PSMB8: variants seen among roughly 807,000 people sequenced by gnomAD.
PSMB8 encodes the protein proteasome 20S subunit beta 8, also known as proteasome subunit beta type-8.
PSMB8 carries 20 observed loss-of-function variants against 32.3 expected under a neutral mutation model. The ratio of observed to expected loss-of-function variants is 0.62; its 90% CI spans 0.44 to 0.90. The LOEUF (loss-of-function observed/expected upper bound fraction) is 0.90. PSMB8 is among the 40% of genes least tolerant of loss of function. PSMB8 has a pLI of 0.00. For missense variants in PSMB8, 342 were observed against 365.4 expected (o/e 0.94, Z 0.52); for synonymous variants, 131 against 135.4 (o/e 0.97, Z 0.23).
At chr6:32,841,880 C>T (rs950930654) in intron 4 of PSMB8, 145 bp from the exon 5 acceptor site, 12 of 1,045,122 alleles carry the variant, frequency 1.1e-5, no homozygotes, top group African/African-American at 1.1e-4. Flanking sequence ...GTAAAGTCAT[C>T]GAACTTTAGA....
chr6:32,843,513 A>G (rs1770071307), intron 1 of PSMB8, among the ~76,000 whole-genome samples: 1 of 152,134 alleles, frequency 6.6e-6, no homozygotes, highest in Non-Finnish European at 1.5e-5. Flanking sequence ...CAGCAGGCAA[A>G]TTTCATAGGT....
intron 1 of PSMB8, 83 bp from the exon 2 acceptor site, chr6:32,843,172 G>A: frequency 6.8e-7 from 1 of 1,469,410 alleles, no homozygotes; most frequent in Non-Finnish European, 9.5e-7. Flanking sequence ...GGAGTATGAG[G>A]GTGAGGAGAT....
intron 5 of PSMB8, 137 bp downstream of exon 5, chr6:32,841,394 C>T (rs1428962914): frequency 1.1e-5 from 10 of 898,590 alleles, no homozygotes; most frequent in South Asian, 4.2e-5. Flanking sequence ...CCCGTCACCA[C>T]GTCCGGCTAA....
rs41270492 is a variant in PSMB8 at position 32,842,188 on chromosome 6, C to T, written c.483G>A (p.Gln161=). ...ASKLLSNMMC[Q]YRGMGLSMGS... is the part of the protein sequence containing the mutation. Reference sequence around the variant, plus strand: ...CCATAGAGAGGCCCATGCCCCGGTACTGGCACATCATGTTGGACAGCAGCT... The same window carrying T: ...CCATAGAGAGGCCCATGCCCCGGTATTGGCACATCATGTTGGACAGCAGCT... Residue 161 remains glutamine (Q), a synonymous_variant, in exon 4 of 6, where the codon CAG becomes CAA. Coordinates refer to ENST00000374882, the MANE Select transcript of PSMB8 (RefSeq NM_148919.4). The T allele has an allele frequency of 5.3e-3, 8,604 of 1,613,160 alleles. 43 individuals are homozygous for T. Among genetic ancestry groups the T allele is most frequent in the Middle Eastern group, 0.016 (100 of 6,062 alleles).
At position 32,841,714 on chromosome 6, in the gene PSMB8, C is replaced by G. The variant is rs1182341172; in HGVS notation, c.559G>C (p.Asp187His). ...DKKGPGLYYV[D>H]EHGTRLSGNM... ...CCTGAGAGCCGAGTCCCATGTTCAT[C>G]CACGTAGTAGAGTCCAGGACCCTAT... Residue 187 changes from aspartate (D) to histidine (H), a missense_variant, in exon 5 of 6, where the codon GAT becomes CAT. Physicochemically the swap from Asp to His is moderately conservative, Grantham distance 81 (BLOSUM62 -1). Transcript: ENST00000374882. 3.1e-6 allele frequency: 5 copies of G among 1,612,624 alleles called. No individual in the cohort carries two copies. The highest frequency in any genetic ancestry group is 3.4e-6 in the Non-Finnish European group (4 of 1,180,026).
intron 5 of PSMB8, 65 bp downstream of exon 5, chr6:32,841,466 A>T: frequency 6.5e-7 from 1 of 1,529,948 alleles, no homozygotes; most frequent in Non-Finnish European, 9.0e-7. Context: ...TCTCAATCTT[A>T]AATCACCCCC....
In PSMB8 at chr6:32,843,606, A is replaced by G. The variant is rs6924102; in HGVS notation, c.147+244T>C. Among the ~76,000 whole-genome samples, 61,150 of 152,006 alleles carry G rather than the reference A, an allele frequency of 0.4. 12,527 individuals carry two copies. Among genetic ancestry groups the G allele is most frequent in the Middle Eastern group, 0.54 (159 of 294 alleles). ...CCATTTGTGTGTGGACAAGGGCAGG[A>G]AAGTTCTCTTGTCTTCCTTTGGGAG... On this transcript the variant is annotated intron_variant, in intron 1 of 5. Transcript: ENST00000374882.
rs1182341172 is a variant in PSMB8 at position 32,841,714 on chromosome 6, C to T, written c.559G>A (p.Asp187Asn). 6.2e-7 allele frequency: 1 copy of T among 1,612,742 alleles called. No homozygotes were observed. Among genetic ancestry groups the T allele is most frequent in the African/African-American group, 1.3e-5 (1 of 75,018 alleles). The change falls in exon 5 of 6, where the codon GAT becomes AAT. Residue 187 changes from aspartate (D) to asparagine (N), a missense_variant. By Grantham distance (23) the Asp-to-Asn change is conservative. Coordinates refer to ENST00000374882, the MANE Select transcript of PSMB8 (RefSeq NM_148919.4). Reference protein sequence around the residue: ...DKKGPGLYYVDEHGTRLSGNM... With the variant: ...DKKGPGLYYVNEHGTRLSGNM... ...CCTGAGAGCCGAGTCCCATGTTCAT[C>T]CACGTAGTAGAGTCCAGGACCCTAT...
chr6:32,843,663 C>T (rs969805370), intron 1 of PSMB8, among the ~76,000 whole-genome samples, 187 bp downstream of exon 1: 1 of 152,222 alleles, frequency 6.6e-6, no homozygotes, highest in Admixed American at 6.5e-5. Context: ...TTTGTCCTAA[C>T]TTGCACTTCC....
At chr6:32,841,126 G>T in intron 5 of PSMB8, 79 bp from the exon 6 acceptor site, 1 of 1,224,512 alleles carries the variant, frequency 8.2e-7, no homozygotes, top group Non-Finnish European at 1.2e-6. Flanking sequence ...GTTGAAGGCA[G>T]CAACAAGACA....
At position 32,841,048 on chromosome 6, in the gene PSMB8, CTG is replaced by C. The variant is rs1289142343; in HGVS notation, c.743-3_743-2del. Reference sequence around the variant, plus strand: ...CAACCATCTTCCTTCATGTGGTACACTGTGGACAAATGAGAAAAGAACATGGA... The same window carrying C: ...CAACCATCTTCCTTCATGTGGTACACTGGACAAATGAGAAAAGAACATGGA... On this transcript the variant is annotated splice_acceptor_variant and splice_polypyrimidine_tract_variant and intron_variant, in intron 5 of 5. Coordinates refer to ENST00000374882, the MANE Select transcript of PSMB8 (RefSeq NM_148919.4). LOFTEE classifies it high-confidence loss of function. The C allele has an allele frequency of 1.9e-6, 3 of 1,607,476 alleles. No homozygotes were observed. Among genetic ancestry groups the C allele is most frequent in the Non-Finnish European group, 2.6e-6 (3 of 1,173,910 alleles).
intron 3 of PSMB8, 83 bp from the exon 4 acceptor site, chr6:32,842,346 C>T: frequency 2.0e-6 from 3 of 1,518,512 alleles, no homozygotes; most frequent in Non-Finnish European, 2.7e-6. Flanking sequence ...AAGAGATAAG[C>T]ATTGGAAAGG....
In PSMB8 at chr6:32,840,980, C is replaced by T. The variant is rs979578419; in HGVS notation, c.810G>A (p.Gln270=). The T allele has an allele frequency of 5.0e-6, 8 of 1,613,422 alleles. No homozygotes were observed. Among genetic ancestry groups the T allele is most frequent in the Non-Finnish European group, 6.8e-6 (8 of 1,179,452 alleles). ...ESTDVSDLLH[Q]YREANQ ...ACCATTATTGATTGGCTTCCCGGTA[C>T]TGGTGCAGCAGGTCACTGACATCTG... Residue 270 remains glutamine (Q), a synonymous_variant, in exon 6 of 6, where the codon CAG becomes CAA. Coordinates refer to ENST00000374882, the MANE Select transcript of PSMB8 (RefSeq NM_148919.4).
chr6:32,841,865 C>T, intron 4 of PSMB8, 130 bp from the exon 5 acceptor site: 1 of 1,122,186 alleles, frequency 8.9e-7, no homozygotes, highest in Non-Finnish European at 1.3e-6. Context: ...TAGGAAACCA[C>T]TTTGGTAAAG....
At chr6:32,843,390 A>C (rs558664166) in intron 1 of PSMB8, among the ~76,000 whole-genome samples, 1 of 152,288 alleles carries the variant, frequency 6.6e-6, no homozygotes, top group South Asian at 2.1e-4. Context: ...AAAGCATTCA[A>C]CCCTCACAAA....
intron 3 of PSMB8, 145 bp downstream of exon 3, chr6:32,842,527 A>C (rs1769978943): frequency 1.1e-5 from 10 of 895,838 alleles, no homozygotes; most frequent in Non-Finnish European, 1.8e-5. Context: ...ATTTGGGAGA[A>C]GGGTCTTATC....
Position 32,843,036 on chromosome 6 carries a change from A to G in PSMB8, c.201T>C (p.Ile67=), listed in dbSNP as rs1051889148. The G allele has an allele frequency of 1.2e-6, 2 of 1,613,072 alleles. No individual in the cohort carries two copies. The highest frequency in any genetic ancestry group is 1.3e-5 in the African/African-American group (1 of 75,048). ...GCGTGGTGGTGCCATGGGCCATCTC[A>G]ATCTGAACGTTCCTTTCTCCGTCCC... is the stretch of plus-strand genomic sequence containing the variant. The part of the protein sequence containing the change: ...LGGDGERNVQ[I]EMAHGTTTLA... The change falls in exon 2 of 6, where the codon ATT becomes ATC. Residue 67 remains isoleucine, a synonymous_variant. Coordinates refer to ENST00000374882, the MANE Select transcript of PSMB8 (RefSeq NM_148919.4).
At chr6:32,843,744 C>G (rs1249110907) in intron 1 of PSMB8, 106 bp downstream of exon 1, 22 of 1,423,274 alleles carry the variant, frequency 1.5e-5, no homozygotes, top group Middle Eastern at 2.4e-4. Flanking sequence ...AGGCTACCCC[C>G]GACCCTGTAC....
chr6:32,841,871 T>C, intron 4 of PSMB8, 136 bp from the exon 5 acceptor site: 1 of 1,083,174 alleles, frequency 9.2e-7, no homozygotes, highest in Non-Finnish European at 1.4e-6. Context: ...ACCACTTTGG[T>C]AAAGTCATCG....
Sources: gnomAD v4.1 joint callset for allele counts (sites outside exome capture counted in the v4.1 genomes callset) on GRCh38, gnomAD v4.1.1 for gene constraint, MANE v1.5 for transcripts, NCBI Gene and HGNC (gene_info 2026-07-23, HGNC 2026-07-21) for gene names.